Variants in OSBPL10 observed in about 807,000 individuals in gnomAD.
OSBPL10 encodes the protein oxysterol binding protein like 10, also known as oxysterol-binding protein-related protein 10.
A neutral mutation model predicts 81.7 loss-of-function variants in OSBPL10; 49 were observed. That is an observed-to-expected ratio of 0.60 (90% CI 0.48 to 0.76). The LOEUF (loss-of-function observed/expected upper bound fraction) is 0.76, where lower values mean the gene tolerates loss of function less well. Among genes scored for constraint, OSBPL10 ranks in the 30% least tolerant of loss-of-function variants. The pLI, the probability that OSBPL10 is intolerant of heterozygous loss-of-function variation, is 0.00. For missense variants in OSBPL10, 923 were observed against 987.8 expected, an observed-to-expected ratio of 0.93 and a Z score of 0.88; for synonymous variants, 419 against 383.6, an observed-to-expected ratio of 1.09 and a Z score of -1.08.
chr3:31,942,049 T>G (rs1434309679), intron 1 of OSBPL10, among the ~76,000 whole-genome samples: 1 of 150,494 alleles, frequency 6.6e-6, no homozygotes, highest in Admixed American at 6.6e-5. Flanking sequence ...CCGAGGCGGG[T>G]GGATCACGAG....
At chr3:32,024,343 A>T (rs1400986541) in intron 2 of OSBPL10, among the ~76,000 whole-genome samples, 2 of 152,122 alleles carry the variant, frequency 1.3e-5, no homozygotes, top group Non-Finnish European at 2.9e-5. Context: ...CCATCACATG[A>T]TGTTTATTTA....
At chr3:32,005,429 C>T (rs1467174267) in intron 2 of OSBPL10, among the ~76,000 whole-genome samples, 2 of 134,786 alleles carry the variant, frequency 1.5e-5, no homozygotes, top group South Asian at 2.3e-4. Flanking sequence ...ATCTGTAGAC[C>T]TGTCCCTTTA....
At chr3:31,911,375 G>A (rs1233595434) in intron 1 of OSBPL10, among the ~76,000 whole-genome samples, 1 of 152,082 alleles carries the variant, frequency 6.6e-6, no homozygotes, top group East Asian at 1.9e-4. Flanking sequence ...TCATGGGGGT[G>A]GAGGAGTGGA....
At chr3:31,966,153 A>ATGTGTGTGTGTGTGTG (rs59737552) in intron 1 of OSBPL10, among the ~76,000 whole-genome samples, 2 of 134,842 alleles carry the variant, frequency 1.5e-5, no homozygotes, top group African/African-American at 5.5e-5. Flanking sequence ...CAACAAAATT[A>ATGTGTGTGTGTGTGTG]TGTGTGTGTG....
chr3:31,668,567 T>G (rs562332225), intron 10 of OSBPL10, 75 bp downstream of exon 10: 6 of 1,367,556 alleles, frequency 4.4e-6, no homozygotes, highest in East Asian at 2.3e-5. Context: ...TTTCAAAGTC[T>G]TCTTTCTTCT....
intron 1 of OSBPL10, among the ~76,000 whole-genome samples, chr3:31,978,211 G>A (rs989091006): frequency 6.6e-6 from 1 of 152,150 alleles, no homozygotes; most frequent in Non-Finnish European, 1.5e-5. Flanking sequence ...GAACTTGGTT[G>A]CTATAGATTT....
intron 1 of OSBPL10, among the ~76,000 whole-genome samples, chr3:31,915,242 G>C (rs781035755): frequency 1.3e-5 from 2 of 151,820 alleles, no homozygotes; most frequent in Non-Finnish European, 2.9e-5. Context: ...CCTCTTATTG[G>C]TGGTTTCCTG....
At position 31,742,220 on chromosome 3, in the gene OSBPL10, AG is replaced by A. The variant is rs1697373629; in HGVS notation, c.940+5689del. Among the ~76,000 whole-genome samples the A allele has an allele frequency of 2.0e-5, 3 of 152,372 alleles. No individual in the cohort carries two copies. In the South Asian group the frequency reaches 6.2e-4, roughly 32 times the overall value. On this transcript the variant is annotated intron_variant, in intron 5 of 11. Coordinates refer to ENST00000396556, the MANE Select transcript of OSBPL10 (RefSeq NM_017784.5). Reference sequence around the variant, plus strand: ...TGGTAGAAAAGAGATGAAAAATACAAGTCTGAAGAGGTCTCCGGAAAAACGT... The same window carrying A: ...TGGTAGAAAAGAGATGAAAAATACAATCTGAAGAGGTCTCCGGAAAAACGT...
At chr3:31,719,569 T>C (rs1696569757) in intron 6 of OSBPL10, among the ~76,000 whole-genome samples, 1 of 152,182 alleles carries the variant, frequency 6.6e-6, no homozygotes, top group Non-Finnish European at 1.5e-5. Context: ...GACATTCATT[T>C]CTTAATGGTG....
At chr3:31,763,370 A>G (rs1698111160) in intron 4 of OSBPL10, among the ~76,000 whole-genome samples, 1 of 152,222 alleles carries the variant, frequency 6.6e-6, no homozygotes, top group Admixed American at 6.5e-5. Context: ...AACCTTACAA[A>G]CTAAGGGTCA....
intron 6 of OSBPL10, among the ~76,000 whole-genome samples, chr3:31,726,310 ATT>A (rs11338208): frequency 2.7e-5 from 4 of 148,202 alleles, no homozygotes; most frequent in African/African-American, 9.8e-5. Context: ...TGTCTTTTTA[ATT>A]TTTTTTTTTT....
At chr3:31,909,812 C>G (rs1019318103) in intron 1 of OSBPL10, among the ~76,000 whole-genome samples, 4 of 152,116 alleles carry the variant, frequency 2.6e-5, no homozygotes, top group African/African-American at 9.7e-5. Context: ...ATGGCCCCCA[C>G]TCTGAGTAGC....
chr3:31,965,825 TAAATATATAATATATATTATATAAAA>T (rs1559535377), intron 1 of OSBPL10, among the ~76,000 whole-genome samples: 1 of 56,764 alleles, frequency 1.8e-5, no homozygotes, highest in African/African-American at 7.4e-5. Context: ...ATATATTATA[TAAATATATAATATATATTATATAAAA>T]AGATAATATA....
At chr3:31,920,245 G>C (rs946771769) in intron 1 of OSBPL10, among the ~76,000 whole-genome samples, 1 of 152,144 alleles carries the variant, frequency 6.6e-6, no homozygotes, top group Admixed American at 6.5e-5. Context: ...TATGTGACAT[G>C]CATTTGTCAA....
intron 3 of OSBPL10, among the ~76,000 whole-genome samples, chr3:31,858,347 T>C (rs998543284): frequency 1.3e-5 from 2 of 152,156 alleles, no homozygotes; most frequent in African/African-American, 4.8e-5. Context: ...ATTAAATTTC[T>C]CTTTTATTGC....
intron 3 of OSBPL10, among the ~76,000 whole-genome samples, chr3:31,857,828 G>GAGAA (rs1553634176): frequency 3.0e-4 from 40 of 131,812 alleles, no homozygotes; most frequent in East Asian, 4.4e-4. Flanking sequence ...GGGAGAGGGA[G>GAGAA]AGGGAGAGGG....
Position 31,989,741 on chromosome 3 carries a change from A to G in OSBPL10, n.298+56750T>C, listed in dbSNP as rs1441045108. The G allele has an allele frequency of 1.9e-6, 3 of 1,614,180 alleles. No homozygotes were observed. In the South Asian group the frequency reaches 3.3e-5, roughly 18 times the overall value. ...CATTCATCATTACTCACACTAAAAC[A>G]GGAAGTACACATAAGAGAAAAATCT... is the stretch of plus-strand genomic sequence containing the variant. On this transcript the variant is annotated intron_variant and non_coding_transcript_variant, in intron 2 of 3. Coordinates refer to the OSBPL10 transcript ENST00000479173.
intron 6 of OSBPL10, among the ~76,000 whole-genome samples, chr3:31,728,171 T>C (rs539291481): frequency 3.3e-5 from 5 of 152,358 alleles, no homozygotes; most frequent in African/African-American, 1.2e-4. Flanking sequence ...CATAAAGATA[T>C]TATAAGTTTT....
chr3:32,040,446 T>C (rs1699564279), intron 2 of OSBPL10, among the ~76,000 whole-genome samples: 1 of 152,002 alleles, frequency 6.6e-6, no homozygotes. Context: ...TGTGGTGGCA[T>C]GCACCTGTAG....
Sources: gnomAD v4.1 joint callset for allele counts (sites outside exome capture counted in the v4.1 genomes callset) on GRCh38, gnomAD v4.1.1 for gene constraint, MANE v1.5 for transcripts, NCBI Gene and HGNC (gene_info 2026-07-23, HGNC 2026-07-21) for gene names.